The following FLI1 variants were observed in gnomAD, a reference collection of about 807,000 sequenced individuals.
FLI1 encodes the protein Friend leukemia integration 1 transcription factor.
FLI1 carries 13 observed loss-of-function variants against 53.1 expected under a neutral mutation model. The ratio of observed to expected loss-of-function variants is 0.24; its 90% CI spans 0.16 to 0.39. FLI1 has a LOEUF of 0.39. FLI1 is among the 10% of genes least tolerant of loss of function. The pLI is 1.00. For synonymous variants in FLI1, 244 were observed against 236.7 expected, an observed-to-expected ratio of 1.03 and a Z score of -0.28; for missense variants, 424 against 600.5, an observed-to-expected ratio of 0.71 and a Z score of 3.07.
intron 2 of FLI1, among the ~76,000 whole-genome samples, chr11:128,764,068 G>A (rs1385903298): frequency 6.6e-6 from 1 of 152,156 alleles, no homozygotes; most frequent in African/African-American, 2.4e-5. Flanking sequence ...TGAACATCAG[G>A]TATCCTTTGA....
chr11:128,803,640 G>A (rs959524817), intron 5 of FLI1, among the ~76,000 whole-genome samples: 4 of 152,142 alleles, frequency 2.6e-5, no homozygotes, highest in East Asian at 1.9e-4. Flanking sequence ...ATGCAAGGAC[G>A]AGGAACTTGT....
At chr11:128,780,819 T>G (rs1433507872) in intron 4 of FLI1, among the ~76,000 whole-genome samples, 1 of 151,928 alleles carries the variant, frequency 6.6e-6, no homozygotes, top group African/African-American at 2.4e-5. Flanking sequence ...GGGAAAAGGG[T>G]TGTTTAGAAG....
intron 7 of FLI1, among the ~76,000 whole-genome samples, chr11:128,807,783 G>A (rs369533779): frequency 5.9e-5 from 9 of 152,114 alleles, no homozygotes; most frequent in African/African-American, 1.7e-4. Context: ...AAAACAGGGC[G>A]TTGACTTTCT....
At chr11:128,800,185 G>A (rs770108065) in intron 5 of FLI1, among the ~76,000 whole-genome samples, 19 of 152,174 alleles carry the variant, frequency 1.2e-4, no homozygotes, top group Non-Finnish European at 8.8e-5. Context: ...CTGGGAGCAT[G>A]AGCAGCCTTG....
chr11:128,727,337 G>C (rs1016483631), intron 1 of FLI1, among the ~76,000 whole-genome samples: 1 of 152,188 alleles, frequency 6.6e-6, no homozygotes, highest in Admixed American at 6.5e-5. Context: ...ATCAATAATG[G>C]CTAGTATTAT....
chr11:128,698,685 G>A (rs569181493), intron 1 of FLI1, among the ~76,000 whole-genome samples: 3 of 146,560 alleles, frequency 2.0e-5, no homozygotes, highest in Admixed American at 6.7e-5. Flanking sequence ...TTATAGAATC[G>A]TGGAGGCAGT....
chr11:128,807,327 T>C, intron 7 of FLI1, 88 bp downstream of exon 7: 4 of 832,346 alleles, frequency 4.8e-6, no homozygotes, highest in Non-Finnish European at 7.4e-6. Flanking sequence ...TTAAACAATA[T>C]ACCACATATG....
At chr11:128,704,105 A>G (rs1285966886) in intron 1 of FLI1, among the ~76,000 whole-genome samples, 1 of 152,200 alleles carries the variant, frequency 6.6e-6, no homozygotes, top group African/African-American at 2.4e-5. Context: ...CTTCTCATAT[A>G]TAAAATGAAG....
chr11:128,765,544 C>G (rs2135825944), intron 2 of FLI1, among the ~76,000 whole-genome samples: 1 of 152,346 alleles, frequency 6.6e-6, no homozygotes, highest in South Asian at 2.1e-4. Context: ...TGCTGTAGTT[C>G]TCCTTTCCGA....
At chr11:128,752,681 C>T (rs1286710941) in intron 1 of FLI1, among the ~76,000 whole-genome samples, 1 of 152,192 alleles carries the variant, frequency 6.6e-6, no homozygotes, top group Non-Finnish European at 1.5e-5. Flanking sequence ...TTTCACTTTT[C>T]TGAATTTCCA....
chr11:128,701,464 G>A (rs1439571900), intron 1 of FLI1, among the ~76,000 whole-genome samples: 4 of 152,146 alleles, frequency 2.6e-5, no homozygotes, highest in Admixed American at 6.5e-5. Context: ...AACCAAAAAC[G>A]CAGAGACTCA....
intron 4 of FLI1, among the ~76,000 whole-genome samples, chr11:128,779,577 A>G (rs888935147): frequency 6.6e-6 from 1 of 152,222 alleles, no homozygotes; most frequent in Admixed American, 6.5e-5. Context: ...CATTTATGGA[A>G]CACTTATGAG....
intron 4 of FLI1, among the ~76,000 whole-genome samples, chr11:128,773,307 G>A (rs1420892083): frequency 6.6e-6 from 1 of 152,214 alleles, no homozygotes; most frequent in East Asian, 1.9e-4. Flanking sequence ...ATAGAGATGG[G>A]TGGTGCCCTG....
At chr11:128,753,807 C>T (rs1940749232) in intron 1 of FLI1, among the ~76,000 whole-genome samples, 1 of 152,230 alleles carries the variant, frequency 6.6e-6, no homozygotes, top group African/African-American at 2.4e-5. Context: ...CCTCCTCCGT[C>T]CCTACTCTGG....
chr11:128,807,298 T>C, intron 7 of FLI1, 59 bp downstream of exon 7: 1 of 1,209,774 alleles, frequency 8.3e-7, no homozygotes, highest in Non-Finnish European at 1.2e-6. Context: ...TGATTTCACA[T>C]GGTCAACTGA....
chr11:128,770,856 AG>A (rs1941525817), intron 3 of FLI1, among the ~76,000 whole-genome samples: 1 of 152,220 alleles, frequency 6.6e-6, no homozygotes, highest in Non-Finnish European at 1.5e-5. Flanking sequence ...TAAAAGAGCA[AG>A]AAATGTATCT....
rs78837437 is a variant in FLI1 at position 128,755,839 on chromosome 11, C to A, written c.19-2276C>A. Reference sequence around the variant, plus strand: ...GTATGTCTGGAGGCACCTACACCATCCAAAGCCTTCTGGTGCAAAAGCAGG... The same window carrying A: ...GTATGTCTGGAGGCACCTACACCATACAAAGCCTTCTGGTGCAAAAGCAGG... On this transcript the variant is annotated intron_variant, in intron 1 of 8. Transcript: ENST00000527786. Among the ~76,000 whole-genome samples, 59 of 152,320 alleles carry A rather than the reference C, an allele frequency of 3.9e-4. No homozygotes were observed. In the East Asian group the frequency reaches 0.011, roughly 29 times the overall value.
chr11:128,752,293 C>T (rs1423410429), intron 1 of FLI1, among the ~76,000 whole-genome samples: 1 of 152,206 alleles, frequency 6.6e-6, no homozygotes, highest in Admixed American at 6.5e-5. Context: ...TAAGTATTTA[C>T]TTTGTCCCAA....
At chr11:128,754,212 C>A (rs1186913545) in intron 1 of FLI1, among the ~76,000 whole-genome samples, 1 of 149,632 alleles carries the variant, frequency 6.7e-6, no homozygotes, top group Non-Finnish European at 1.5e-5. Context: ...TTTTGTCTAG[C>A]CATGATTGCA....
Sources: allele counts gnomAD v4.1 joint callset (sites outside exome capture counted in the v4.1 genomes callset), GRCh38; gene constraint gnomAD v4.1.1; transcripts MANE v1.5; gene names NCBI Gene and HGNC (gene_info 2026-07-23, HGNC 2026-07-21).